SGCZ: variants seen among roughly 807,000 people sequenced by gnomAD.
SGCZ encodes the protein zeta-sarcoglycan.
In SGCZ, 40 loss-of-function variants were observed where a neutral mutation model predicts 41.3. The ratio of observed to expected loss-of-function variants is 0.97; its 90% CI spans 0.75 to 1.26. The LOEUF (loss-of-function observed/expected upper bound fraction) is 1.26, where lower values mean the gene tolerates loss of function less well. Among genes scored for constraint, SGCZ ranks in the 50% most tolerant of loss-of-function variants. The pLI, the probability that SGCZ is intolerant of heterozygous loss-of-function variation, is 0.00. For synonymous variants in SGCZ, 206 were observed against 137.5 expected (o/e 1.50, Z -3.49); for missense variants, 552 against 369.8 (o/e 1.49, Z -4.04).
At chr8:14,606,563 C>T (rs2117327169) in intron 1 of SGCZ, among the ~76,000 whole-genome samples, 1 of 152,268 alleles carries the variant, frequency 6.6e-6, no homozygotes, top group African/African-American at 2.4e-5. Flanking sequence ...AAATCAGTCC[C>T]TTTGTCCCTT....
At chr8:14,980,183 A>G (rs1801614364) in intron 1 of SGCZ, among the ~76,000 whole-genome samples, 1 of 152,140 alleles carries the variant, frequency 6.6e-6, no homozygotes, top group Non-Finnish European at 1.5e-5. Flanking sequence ...AAGGAAGGAA[A>G]CGATCACTAG....
intron 2 of SGCZ, among the ~76,000 whole-genome samples, chr8:14,363,237 T>C (rs1803590267): frequency 6.6e-6 from 1 of 152,178 alleles, no homozygotes; most frequent in South Asian, 2.1e-4. Context: ...AGACTTTTCA[T>C]ACCGTGCTAT....
chr8:14,354,466 C>A (rs1268410426), intron 2 of SGCZ, among the ~76,000 whole-genome samples: 1 of 151,734 alleles, frequency 6.6e-6, no homozygotes, highest in African/African-American at 2.4e-5. Context: ...AAAATTAGTA[C>A]TCTTGTAGAT....
At chr8:14,381,910 T>C (rs1804380998) in intron 2 of SGCZ, among the ~76,000 whole-genome samples, 1 of 152,238 alleles carries the variant, frequency 6.6e-6, no homozygotes, top group Non-Finnish European at 1.5e-5. Flanking sequence ...TTTTCTGCTA[T>C]GATTTTTAGC....
intron 2 of SGCZ, among the ~76,000 whole-genome samples, chr8:14,508,655 T>C (rs10216704): frequency 0.011 from 1,714 of 152,262 alleles, 36 homozygotes; most frequent in African/African-American, 0.038. Flanking sequence ...AAAAATCTGT[T>C]TGAGAAGCAC....
intron 5 of SGCZ, among the ~76,000 whole-genome samples, chr8:14,145,750 G>C (rs993493074): frequency 6.6e-6 from 1 of 152,124 alleles, no homozygotes; most frequent in Non-Finnish European, 1.5e-5. Context: ...TTATCAAAGA[G>C]ATTGAAATAA....
At chr8:14,452,819 G>T (rs1025739934) in intron 2 of SGCZ, among the ~76,000 whole-genome samples, 1 of 151,998 alleles carries the variant, frequency 6.6e-6, no homozygotes, top group South Asian at 2.1e-4. Context: ...GAAGAGTAAG[G>T]GGCCGGGTGT....
chr8:14,626,871 T>C (rs1276515219), intron 1 of SGCZ, among the ~76,000 whole-genome samples: 1 of 152,172 alleles, frequency 6.6e-6, no homozygotes, highest in Non-Finnish European at 1.5e-5. Context: ...TGTGGTACTT[T>C]GTGATGGTAG....
At chr8:14,207,390 GT>G (rs1484183864) in intron 4 of SGCZ, among the ~76,000 whole-genome samples, 2 of 152,082 alleles carry the variant, frequency 1.3e-5, no homozygotes, top group African/African-American at 2.4e-5. Flanking sequence ...AAGATTCATT[GT>G]TTTTAGCCTC....
chr8:14,967,620 C>G (rs898788785), intron 1 of SGCZ, among the ~76,000 whole-genome samples: 2 of 152,176 alleles, frequency 1.3e-5, no homozygotes, highest in African/African-American at 4.8e-5. Flanking sequence ...CCATCCCAAA[C>G]CTCTCAGAAA....
At chr8:15,094,598 G>A (rs1046103658) in intron 1 of SGCZ, among the ~76,000 whole-genome samples, 1 of 152,190 alleles carries the variant, frequency 6.6e-6, no homozygotes, top group Non-Finnish European at 1.5e-5. Context: ...CACACAGGGA[G>A]AAGGAAGTGT....
intron 2 of SGCZ, among the ~76,000 whole-genome samples, chr8:14,479,753 T>TTTA (rs1801478895): frequency 1.5e-5 from 1 of 65,772 alleles, no homozygotes; most frequent in Non-Finnish European, 3.8e-5. Context: ...TTTTTTTTTT[T>TTTA]TTTTTTTTAT....
At chr8:15,025,179 C>T (rs1273700759) in intron 1 of SGCZ, among the ~76,000 whole-genome samples, 1 of 151,810 alleles carries the variant, frequency 6.6e-6, no homozygotes, top group Admixed American at 6.6e-5. Flanking sequence ...GTTTAGAAAC[C>T]AAGAACAGTA....
At chr8:14,101,099 A>G (rs75069120) in intron 7 of SGCZ, among the ~76,000 whole-genome samples, 12,677 of 152,192 alleles carry the variant, frequency 0.083, 1,164 homozygotes, top group African/African-American at 0.23. Flanking sequence ...CTGGCATGAA[A>G]GCATCTGCCA....
chr8:14,159,077 A>AT (rs1348982323), intron 5 of SGCZ, among the ~76,000 whole-genome samples: 3 of 152,044 alleles, frequency 2.0e-5, no homozygotes, highest in East Asian at 1.9e-4. Context: ...CCAGTAATGT[A>AT]TTTTTTTAAT....
chr8:14,947,665 G>C (rs907271676), intron 1 of SGCZ, among the ~76,000 whole-genome samples: 2 of 152,146 alleles, frequency 1.3e-5, no homozygotes, highest in Non-Finnish European at 2.9e-5. Flanking sequence ...ATATCATTAA[G>C]TATTTTATTC....
chr8:14,351,653 A>G (rs1416794390), intron 2 of SGCZ, among the ~76,000 whole-genome samples: 1 of 151,908 alleles, frequency 6.6e-6, no homozygotes, highest in Non-Finnish European at 1.5e-5. Flanking sequence ...AGGCAAATAC[A>G]AAGATAGATG....
At chr8:14,117,615 G>A (rs1563136693) in intron 5 of SGCZ, among the ~76,000 whole-genome samples, 1 of 151,686 alleles carries the variant, frequency 6.6e-6, no homozygotes, top group African/African-American at 2.4e-5. Flanking sequence ...TTTAAGTTCT[G>A]GAGTACCTGT....
chr8:15,167,830 G>T (rs1453210783), intron 1 of SGCZ, among the ~76,000 whole-genome samples: 4 of 152,192 alleles, frequency 2.6e-5, no homozygotes, highest in African/African-American at 9.6e-5. Context: ...ACCTCTGGCT[G>T]TAGATCAGAA....
Sources: gnomAD v4.1 joint callset for allele counts (sites outside exome capture counted in the v4.1 genomes callset) on GRCh38, gnomAD v4.1.1 for gene constraint, MANE v1.5 for transcripts, NCBI Gene and HGNC (gene_info 2026-07-23, HGNC 2026-07-21) for gene names.